The following MPDZ variants were observed in gnomAD, a reference collection of about 807,000 sequenced individuals.
MPDZ encodes the protein multiple PDZ domain crumbs cell polarity complex component.
In MPDZ, 234 loss-of-function variants were observed where a neutral mutation model predicts 239.1. The observed-to-expected ratio is 0.98, with a 90% confidence interval of 0.88 to 1.09. The LOEUF (loss-of-function observed/expected upper bound fraction) is 1.09, where lower values mean the gene tolerates loss of function less well. MPDZ is among the 50% of genes least tolerant of loss of function. MPDZ has a pLI of 0.00. For synonymous variants in MPDZ, 1,048 were observed against 881.3 expected (o/e 1.19, Z -3.35); for missense variants, 3,175 against 2,510.0 (o/e 1.26, Z -5.66).
chr9:13,278,683 C>A (rs956322225), intron 1 of MPDZ, among the ~76,000 whole-genome samples: 1 of 152,124 alleles, frequency 6.6e-6, no homozygotes, highest in Non-Finnish European at 1.5e-5. Flanking sequence ...AGAGACAAGA[C>A]CAACGTGCTC....
chr9:13,162,421 T>C (rs953641745), intron 23 of MPDZ, among the ~76,000 whole-genome samples: 16 of 152,066 alleles, frequency 1.1e-4, no homozygotes, highest in African/African-American at 3.4e-4. Context: ...TTGGGGCAAA[T>C]TATCAAAACT....
At chr9:13,189,036 A>G (rs1954539053) in intron 16 of MPDZ, 43 bp from the exon 17 acceptor site, 1 of 1,563,822 alleles carries the variant, frequency 6.4e-7, no homozygotes, top group African/African-American at 1.4e-5. Context: ...TTTTACAAAG[A>G]AAATTCTTCT....
At chr9:13,214,567 G>A (rs1215804467) in intron 10 of MPDZ, among the ~76,000 whole-genome samples, 1 of 151,876 alleles carries the variant, frequency 6.6e-6, no homozygotes, top group African/African-American at 2.4e-5. Context: ...TGAATTGTAT[G>A]GTATGTGAAT....
chr9:13,151,264 A>T (rs921895112), intron 24 of MPDZ, among the ~76,000 whole-genome samples: 13 of 152,088 alleles, frequency 8.5e-5, no homozygotes, highest in African/African-American at 3.1e-4. Context: ...TCCTCAAAAA[A>T]TTAAAAATAG....
At position 13,247,845 on chromosome 9, in the gene MPDZ, C is replaced by G. The variant is rs1248804185; in HGVS notation, c.17-44G>C. The G allele has an allele frequency of 5.8e-6, 9 of 1,543,190 alleles. No homozygotes were observed. In the East Asian group the frequency reaches 2.0e-4, roughly 35 times the overall value. On this transcript the variant is annotated intron_variant, in intron 2 of 46. Transcript: ENST00000319217. ...TTTGTCAATAACAGGATTCAAAGGA[C>G]ACATGTCCAGCCTAAGAGGACTCCA...
At chr9:13,164,526 G>C (rs554396319) in intron 22 of MPDZ, among the ~76,000 whole-genome samples, 18 of 152,172 alleles carry the variant, frequency 1.2e-4, no homozygotes, top group Non-Finnish European at 8.8e-5. Context: ...GGTCAGGGAA[G>C]AAAGGCAGGA....
chr9:13,144,906 T>C (rs1180853690), intron 26 of MPDZ, among the ~76,000 whole-genome samples: 2 of 152,052 alleles, frequency 1.3e-5, no homozygotes, highest in Non-Finnish European at 2.9e-5. Flanking sequence ...GTGACAAATA[T>C]ATCCTAGGCA....
chr9:13,150,377 T>G lies in MPDZ; in HGVS notation c.3630+134A>C, dbSNP rs1035804106. The G allele has an allele frequency of 1.1e-4, 54 of 511,094 alleles. No individual in the cohort carries two copies. The Middle Eastern group carries it at 2.8e-3, about 26-fold the overall frequency. The allele number at this position is 511,094 out of a possible 1,614,324, so 31.7% of individuals were successfully genotyped here. A position where few individuals can be genotyped will look rare whatever the true frequency, so the allele number is the denominator to read the frequency against. ...AGTATGAAGATGACAATTCCCTCGG[T>G]ACAAAGGGTGGAGCAGGTGAAAAAT... On this transcript the variant is annotated intron_variant, in intron 25 of 46. Transcript: ENST00000319217.
At chr9:13,229,901 G>A (rs1260717931) in intron 3 of MPDZ, among the ~76,000 whole-genome samples, 1 of 151,930 alleles carries the variant, frequency 6.6e-6, no homozygotes, top group Non-Finnish European at 1.5e-5. Flanking sequence ...AGTGGTAAAA[G>A]TACTAATTAA....
chr9:13,139,416 A>G (rs374590879), intron 28 of MPDZ, among the ~76,000 whole-genome samples: 1 of 152,334 alleles, frequency 6.6e-6, no homozygotes, highest in African/African-American at 2.4e-5. Flanking sequence ...GCTGGGCGCC[A>G]GGCACTGTGC....
At chr9:13,221,235 C>G in intron 7 of MPDZ, 137 bp downstream of exon 7, 1 of 897,304 alleles carries the variant, frequency 1.1e-6, no homozygotes, top group Non-Finnish European at 1.6e-6. Flanking sequence ...TAGGGACACT[C>G]AATAAAACGA....
intron 27 of MPDZ, 117 bp downstream of exon 27, chr9:13,143,348 GT>G (rs1046164311): frequency 9.9e-5 from 74 of 749,508 alleles, no homozygotes; most frequent in Non-Finnish European, 1.2e-4. Flanking sequence ...TTGTTTTTTT[GT>G]TTTTTTTTCC....
Position 13,107,648 on chromosome 9 carries a change from T to C in MPDZ, c.6067-537A>G, listed in dbSNP as rs1324258697. On this transcript the variant is annotated intron_variant, in intron 46 of 46. Transcript: ENST00000319217. ...TAAAACCCACTGCTATTTCTTTTTG[T>C]GGTTTTGAAAAAGCTATTCAAGCTG... Among the ~76,000 whole-genome samples the C allele has an allele frequency of 1.3e-5, 2 of 152,160 alleles. 1 individual carries two copies. The highest frequency in any genetic ancestry group is 1.3e-4 in the Admixed American group (2 of 15,276).
chr9:13,237,279 CA>C (rs775125262), intron 3 of MPDZ, among the ~76,000 whole-genome samples: 27 of 142,224 alleles, frequency 1.9e-4, no homozygotes, highest in South Asian at 2.2e-4. Flanking sequence ...CCCGTCTCTA[CA>C]AAAAAAAAAA....
chr9:13,115,950 C>CAAA (rs71491603), intron 39 of MPDZ, among the ~76,000 whole-genome samples: 78 of 40,350 alleles, frequency 1.9e-3, no homozygotes, highest in East Asian at 3.0e-3. Flanking sequence ...GACTCCACCT[C>CAAA]AAAAAAAAAA....
intron 10 of MPDZ, among the ~76,000 whole-genome samples, chr9:13,209,592 C>G (rs1435652761): frequency 6.6e-6 from 1 of 152,104 alleles, no homozygotes; most frequent in African/African-American, 2.4e-5. Context: ...TATCACGGTC[C>G]AAAAGCAGGT....
chr9:13,170,596 T>G (rs1951667098), intron 21 of MPDZ, among the ~76,000 whole-genome samples: 1 of 152,172 alleles, frequency 6.6e-6, no homozygotes, highest in Non-Finnish European at 1.5e-5. Context: ...TAAAAATGTG[T>G]CAGCACAAAG....
intron 5 of MPDZ, among the ~76,000 whole-genome samples, chr9:13,222,907 G>A (rs934020651): frequency 1.3e-5 from 2 of 151,504 alleles, no homozygotes; most frequent in African/African-American, 4.9e-5. Context: ...ATCCCCAACT[G>A]GGGATCACAT....
chr9:13,180,695 TAAGA>T (rs1217817991), intron 19 of MPDZ, among the ~76,000 whole-genome samples: 2 of 152,022 alleles, frequency 1.3e-5, no homozygotes, highest in East Asian at 3.9e-4. Context: ...CATAAAATAA[TAAGA>T]AAGGAAAAAC....
Sources: allele counts gnomAD v4.1 joint callset (sites outside exome capture counted in the v4.1 genomes callset), GRCh38; gene constraint gnomAD v4.1.1; transcripts MANE v1.5; gene names NCBI Gene and HGNC (gene_info 2026-07-23, HGNC 2026-07-21).